Variants in APTX observed in about 807,000 individuals in gnomAD.
APTX encodes the protein aprataxin, also known as forkhead-associated domain histidine triad-like protein.
A neutral mutation model predicts 42.3 loss-of-function variants in APTX; 33 were observed. The observed-to-expected ratio is 0.78, with a 90% CI of 0.59 to 1.04. The LOEUF (loss-of-function observed/expected upper bound fraction) is 1.04, where lower values mean the gene tolerates loss of function less well. Ranked by LOEUF, APTX falls within the 50% of genes least tolerant of loss-of-function variation. The probability of loss-of-function intolerance (pLI) is 0.00; values close to 1 mark genes in which losing one functional copy is unlikely to be tolerated. For missense variants in APTX, 421 were observed against 415.1 expected (o/e 1.01, Z -0.12); for synonymous variants, 130 against 146.7 (o/e 0.89, Z 0.82).
chr9:32,990,025 T>G (rs1049096781), intron 1 of APTX, 130 bp from the exon 2 acceptor site: 7 of 1,116,310 alleles, frequency 6.3e-6, no homozygotes, highest in Non-Finnish European at 9.1e-6. Context: ...TTCACCACCC[T>G]AGTCTCAATT....
At position 33,019,775 on chromosome 9, in the gene APTX, A is replaced by T. The variant is rs1179458415; in HGVS notation, c.-5+5248T>A. On this transcript the variant is annotated intron_variant, in intron 1 of 6. Transcript: ENST00000436040. ...AGAAAGATGGTCGAGAAAGTTGATAAGGGAAATTCGGAGCAGGCAACAGTC... is the reference window on the plus strand; with the variant it reads ...AGAAAGATGGTCGAGAAAGTTGATATGGGAAATTCGGAGCAGGCAACAGTC... 1.2e-5 allele frequency: 7 copies of T among 599,562 alleles called. No homozygotes were observed. In the East Asian group the frequency reaches 1.7e-4, roughly 14 times the overall value. 37.1% of individuals were successfully genotyped at this position (599,562 alleles called of 1,614,324 possible).
At chr9:33,007,024 G>A (rs2777944) in intron 1 of APTX, among the ~76,000 whole-genome samples, 5,228 of 99,046 alleles carry the variant, frequency 0.053, 171 homozygotes, top group Non-Finnish European at 0.059. Context: ...AAAAAAAAAA[G>A]AAAGAAAGAA....
intron 1 of APTX, among the ~76,000 whole-genome samples, chr9:32,999,714 G>A (rs886971092): frequency 1.3e-5 from 2 of 152,216 alleles, no homozygotes. Context: ...GGTGGCTCAC[G>A]CCTGTAATCC....
intron 1 of APTX, chr9:33,020,087 C>A: frequency 2.6e-6 from 1 of 386,010 alleles, no homozygotes; most frequent in Non-Finnish European, 4.6e-6. Flanking sequence ...CCCTAGCCAT[C>A]CCCGCAGTTG....
chr9:33,024,965 G>A (rs887345272), intron 1 of APTX: 12 of 152,190 alleles, frequency 7.9e-5, no homozygotes, highest in South Asian at 2.1e-4. Flanking sequence ...GGGCCCAGGC[G>A]GCCACCCCAC....
chr9:32,976,660 A>C (rs1412996959), intron 6 of APTX, among the ~76,000 whole-genome samples: 4 of 152,224 alleles, frequency 2.6e-5, no homozygotes, highest in Non-Finnish European at 5.9e-5. Context: ...CCTATGAGGG[A>C]AAAAAATCAT....
intron 6 of APTX, among the ~76,000 whole-genome samples, chr9:32,981,441 G>T (rs1587406359): frequency 6.6e-6 from 1 of 151,956 alleles, no homozygotes; most frequent in East Asian, 1.9e-4. Context: ...TGTGTGTATG[G>T]CTTAGGATTC....
intron 6 of APTX, among the ~76,000 whole-genome samples, chr9:32,977,042 GA>G (rs572095374): frequency 1.3e-5 from 2 of 151,672 alleles, no homozygotes; most frequent in East Asian, 1.9e-4. Flanking sequence ...ACGCCAATAT[GA>G]AAAAAAATGT....
chr9:33,012,874 G>C (rs1355211299), intron 1 of APTX, among the ~76,000 whole-genome samples: 2 of 152,208 alleles, frequency 1.3e-5, no homozygotes, highest in African/African-American at 4.8e-5. Flanking sequence ...CGTTCTGGAA[G>C]TCATAAGATT....
At chr9:32,995,986 CT>C (rs1226739484) in intron 1 of APTX, among the ~76,000 whole-genome samples, 40 of 152,104 alleles carry the variant, frequency 2.6e-4, no homozygotes, top group South Asian at 6.2e-4. Flanking sequence ...AAGACCCCCC[CT>C]ACATCAGCAA....
rs138336035 is a variant in APTX at position 32,995,998 on chromosome 9, A to G, written c.-5+5569T>C. 8.1e-4 allele frequency among the ~76,000 whole-genome samples: 124 copies of G among 152,266 alleles called. 5 individuals carry two copies. In the East Asian group the frequency reaches 0.02, roughly 25 times the overall value. ...GGCAAGACCCCCCCTACATCAGCAA[A>G]AAGATCACAACTCACTGAAGGCTCA... On this transcript the variant is annotated intron_variant, in intron 1 of 7. Coordinates refer to ENST00000379817, the MANE Select transcript of APTX (RefSeq NM_001195248.2).
chr9:33,002,364 TA>T (rs1337408959), upstream of APTX, among the ~76,000 whole-genome samples: 1 of 152,196 alleles, frequency 6.6e-6, no homozygotes, highest in Admixed American at 6.5e-5. Context: ...CACTTCCCTG[TA>T]AAATCCAGTT....
chr9:33,004,821 T>A (rs980948460), upstream of APTX, among the ~76,000 whole-genome samples: 1 of 150,216 alleles, frequency 6.7e-6, no homozygotes, highest in African/African-American at 2.4e-5. Flanking sequence ...TTTTTTTTTT[T>A]AGAAGAGATG....
intron 1 of APTX, among the ~76,000 whole-genome samples, chr9:33,009,818 GA>G (rs34237086): frequency 0.071 from 10,714 of 151,602 alleles, 519 homozygotes; most frequent in Non-Finnish European, 0.11. Context: ...AAAGAAAAGG[GA>G]AAAAAAATTC....
rs529166044 is a variant in APTX at position 33,019,875 on chromosome 9, C to T, written c.-5+5148G>A. On this transcript the variant is annotated intron_variant, in intron 1 of 6. Transcript: ENST00000436040. ...TTCCCAACCACCCTTTGGTGGGGTT[C>T]GGCATCTGGAGCCAGGGACCCATGG... 53 of 617,760 alleles carry T rather than the reference C, an allele frequency of 8.6e-5. No individual in the cohort carries two copies. The East Asian group carries it at 1.4e-3, about 16-fold the overall frequency. The allele number at this position is 617,760 out of a possible 1,614,324, so 38.3% of individuals were successfully genotyped here.
chr9:32,993,134 G>C (rs1482246772), intron 1 of APTX, among the ~76,000 whole-genome samples: 1 of 152,192 alleles, frequency 6.6e-6, no homozygotes, highest in Non-Finnish European at 1.5e-5. Flanking sequence ...GAGCAGCAGA[G>C]AGCATGGCTG....
chr9:32,977,697 G>C (rs920860349), intron 6 of APTX, among the ~76,000 whole-genome samples: 1 of 152,090 alleles, frequency 6.6e-6, no homozygotes, highest in African/African-American at 2.4e-5. Flanking sequence ...TGGGCGTGGT[G>C]GCGCATGCCT....
intron 1 of APTX, among the ~76,000 whole-genome samples, chr9:33,013,803 AAAAAACAAAAC>A (rs1837711625): frequency 6.6e-6 from 1 of 152,144 alleles, no homozygotes. Context: ...GACTCCGTCT[AAAAAACAAAAC>A]AAAAACAAGA....
chr9:32,975,020 T>G (rs1033245988), intron 6 of APTX, among the ~76,000 whole-genome samples: 8 of 152,132 alleles, frequency 5.3e-5, no homozygotes, highest in African/African-American at 1.9e-4. Flanking sequence ...GGGAAGTGAT[T>G]TGAACGGAGA....
Sources: gnomAD v4.1 joint callset for allele counts (sites outside exome capture counted in the v4.1 genomes callset) on GRCh38, gnomAD v4.1.1 for gene constraint, MANE v1.5 for transcripts, NCBI Gene and HGNC (gene_info 2026-07-23, HGNC 2026-07-21) for gene names.